THSD4: variants seen among roughly 807,000 people sequenced by gnomAD.
The protein encoded by THSD4 is thrombospondin type-1 domain-containing protein 4.
Under a neutral mutation model 119.0 loss-of-function variants are expected in THSD4, and 69 were observed. The observed-to-expected ratio is 0.58, with a 90% confidence interval of 0.48 to 0.71. THSD4 has a LOEUF of 0.71. THSD4 is among the 30% of genes least tolerant of loss of function. The probability of loss-of-function intolerance (pLI) is 0.00; values close to 1 mark genes in which losing one functional copy is unlikely to be tolerated. For missense variants in THSD4, 1,393 were observed against 1,391.1 expected, an observed-to-expected ratio of 1.00 and a Z score of -0.02; for synonymous variants, 524 against 540.4, an observed-to-expected ratio of 0.97 and a Z score of 0.42.
At chr15:71,364,432 A>G (rs1265425650) in intron 6 of THSD4, among the ~76,000 whole-genome samples, 4 of 152,238 alleles carry the variant, frequency 2.6e-5, no homozygotes, top group South Asian at 4.1e-4. Flanking sequence ...TATCTGGGGT[A>G]CTTTAGCTAG....
At chr15:71,378,902 G>C (rs1430241751) in intron 6 of THSD4, among the ~76,000 whole-genome samples, 1 of 152,138 alleles carries the variant, frequency 6.6e-6, no homozygotes. Context: ...TCCTGCCTCG[G>C]CCTCTTGAGT....
chr15:71,615,763 C>T (rs1055692932), intron 7 of THSD4, among the ~76,000 whole-genome samples: 1 of 152,160 alleles, frequency 6.6e-6, no homozygotes, highest in African/African-American at 2.4e-5. Context: ...GCCTCTGCAG[C>T]CCTGGCTAGG....
intron 6 of THSD4, among the ~76,000 whole-genome samples, chr15:71,367,774 T>C (rs1056523810): frequency 1.3e-5 from 2 of 152,346 alleles, no homozygotes; most frequent in East Asian, 1.9e-4. Context: ...AGCAGCATGA[T>C]TGATAATGCT....
intron 7 of THSD4, among the ~76,000 whole-genome samples, chr15:71,526,101 C>T (rs1410768723): frequency 6.6e-6 from 1 of 152,212 alleles, no homozygotes; most frequent in African/African-American, 2.4e-5. Context: ...GCTGAATTTT[C>T]CCCCTGTAGG....
chr15:71,244,630 A>T (rs1433886293), intron 5 of THSD4, among the ~76,000 whole-genome samples: 1 of 152,188 alleles, frequency 6.6e-6, no homozygotes, highest in Non-Finnish European at 1.5e-5. Flanking sequence ...TTGTCTTGTA[A>T]CAGAGTAGGT....
intron 1 of THSD4, among the ~76,000 whole-genome samples, chr15:71,129,015 A>C (rs1461458076): frequency 1.3e-5 from 2 of 152,126 alleles, no homozygotes; most frequent in Non-Finnish European, 2.9e-5. Flanking sequence ...AGTACATGAG[A>C]GATAGTACAA....
At chr15:71,697,595 G>T (rs2052191530) in intron 8 of THSD4, among the ~76,000 whole-genome samples, 1 of 152,154 alleles carries the variant, frequency 6.6e-6, no homozygotes, top group Non-Finnish European at 1.5e-5. Context: ...GAAGAGGAGG[G>T]GACATGTGGT....
chr15:71,734,294 C>T (rs1422986664), intron 10 of THSD4, among the ~76,000 whole-genome samples: 1 of 152,256 alleles, frequency 6.6e-6, no homozygotes, highest in East Asian at 1.9e-4. Context: ...TAGACAAAAA[C>T]TAATGGAATA....
intron 7 of THSD4, among the ~76,000 whole-genome samples, chr15:71,553,195 CAG>C (rs1421485475): frequency 2.6e-5 from 4 of 152,330 alleles, no homozygotes; most frequent in Non-Finnish European, 4.4e-5. Flanking sequence ...CTTGCAATGG[CAG>C]AGTTTTTCCT....
At chr15:71,214,077 A>G (rs1183886975) in intron 3 of THSD4, among the ~76,000 whole-genome samples, 1 of 144,862 alleles carries the variant, frequency 6.9e-6, no homozygotes, top group Non-Finnish European at 1.5e-5. Flanking sequence ...TTGTAAATGC[A>G]CCAATCAGCA....
intron 4 of THSD4, among the ~76,000 whole-genome samples, chr15:71,218,025 G>A (rs575527353): frequency 4.2e-4 from 64 of 151,844 alleles, no homozygotes; most frequent in African/African-American, 1.5e-3. Flanking sequence ...GCCCGCTTCG[G>A]CCTCCCAAAG....
At chr15:71,614,227 T>C (rs1253803676) in intron 7 of THSD4, among the ~76,000 whole-genome samples, 4 of 152,244 alleles carry the variant, frequency 2.6e-5, no homozygotes, top group Non-Finnish European at 5.9e-5. Context: ...GACCCACTTC[T>C]TGCATTTCCT....
intron 7 of THSD4, among the ~76,000 whole-genome samples, chr15:71,510,338 A>G (rs1436478323): frequency 1.3e-5 from 2 of 152,242 alleles, no homozygotes; most frequent in African/African-American, 2.4e-5. Context: ...ACAAATCTAT[A>G]CTAGGCACTG....
At chr15:71,128,643 C>T (rs866093475) in intron 1 of THSD4, among the ~76,000 whole-genome samples, 3 of 151,964 alleles carry the variant, frequency 2.0e-5, no homozygotes, top group African/African-American at 7.3e-5. Context: ...TTGAAAACTT[C>T]CCAAATTGAG....
At chr15:71,650,747 G>A (rs1049648380) in intron 7 of THSD4, among the ~76,000 whole-genome samples, 19 of 152,096 alleles carry the variant, frequency 1.2e-4, no homozygotes, top group Admixed American at 5.2e-4. Flanking sequence ...TAAAACTTTC[G>A]CCCTGTCCTC....
upstream of THSD4, among the ~76,000 whole-genome samples, chr15:71,112,921 G>C (rs572619751): frequency 1.3e-5 from 2 of 152,326 alleles, no homozygotes; most frequent in South Asian, 4.1e-4. Context: ...GCTCACGCCT[G>C]TAATCTCAGC....
At chr15:71,240,684 AAC>A (rs961364123) in intron 4 of THSD4, among the ~76,000 whole-genome samples, 5 of 152,174 alleles carry the variant, frequency 3.3e-5, no homozygotes, top group African/African-American at 9.7e-5. Flanking sequence ...ATCTTAAAAA[AAC>A]ACACATACGC....
At chr15:71,276,106 A>T (rs953271315) in intron 6 of THSD4, among the ~76,000 whole-genome samples, 1 of 152,216 alleles carries the variant, frequency 6.6e-6, no homozygotes, top group Non-Finnish European at 1.5e-5. Flanking sequence ...TTTACAAAAG[A>T]TTAAAAGAAA....
chr15:71,474,577 C>T (rs1010740260), intron 7 of THSD4, among the ~76,000 whole-genome samples: 1 of 152,142 alleles, frequency 6.6e-6, no homozygotes, highest in African/African-American at 2.4e-5. Context: ...TGCAACCAGT[C>T]CACCGTTGTA....
Sources: gnomAD v4.1 joint callset for allele counts (sites outside exome capture counted in the v4.1 genomes callset) on GRCh38, gnomAD v4.1.1 for gene constraint, MANE v1.5 for transcripts, NCBI Gene and HGNC (gene_info 2026-07-23, HGNC 2026-07-21) for gene names.